The following CORO2B variants were observed in gnomAD, a reference collection of about 807,000 sequenced individuals.
CORO2B encodes the protein coronin-2B.
Under a neutral mutation model 58.8 loss-of-function variants are expected in CORO2B, and 26 were observed. The ratio of observed to expected loss-of-function variants is 0.44; its 90% CI spans 0.32 to 0.61. The LOEUF (loss-of-function observed/expected upper bound fraction) is 0.61. Among genes scored for constraint, CORO2B ranks in the 20% least tolerant of loss-of-function variants. CORO2B has a pLI of 0.04. For synonymous variants in CORO2B, 242 were observed against 253.8 expected (o/e 0.95, Z 0.44); for missense variants, 460 against 645.1 (o/e 0.71, Z 3.11).
chr15:68,721,107 C>G (rs1362768806), intron 11 of CORO2B, among the ~76,000 whole-genome samples: 1 of 151,946 alleles, frequency 6.6e-6, no homozygotes, highest in African/African-American at 2.4e-5. Context: ...GTCTTGAACT[C>G]CTGACCTTAG....
intron 2 of CORO2B, among the ~76,000 whole-genome samples, chr15:68,665,352 TGTACCA>T (rs1836799836): frequency 6.6e-6 from 1 of 152,160 alleles, no homozygotes; most frequent in Non-Finnish European, 1.5e-5. Context: ...TTGTTATTCA[TGTACCA>T]GTACCACAAT....
At chr15:68,628,710 AG>A (rs1900748086) in intron 1 of CORO2B, among the ~76,000 whole-genome samples, 1 of 152,224 alleles carries the variant, frequency 6.6e-6, no homozygotes, top group Non-Finnish European at 1.5e-5. Context: ...GGGCCCCAAA[AG>A]GTAGATCCAC....
chr15:68,694,581 G>A (rs1273313500), intron 2 of CORO2B, among the ~76,000 whole-genome samples: 1 of 152,326 alleles, frequency 6.6e-6, no homozygotes, highest in Non-Finnish European at 1.5e-5. Flanking sequence ...AATGGCTCGT[G>A]TAAGAGTATA....
At chr15:68,568,041 A>G in the CORO2B span, among the ~76,000 whole-genome samples, 1 of 152,154 alleles carries the variant, frequency 6.6e-6, no homozygotes, top group Non-Finnish European at 1.5e-5. Context: ...AAAGAAAAGA[A>G]ATATTGGCTA....
chr15:68,673,624 GGTCAGGA>G, intron 2 of CORO2B, among the ~76,000 whole-genome samples: 1 of 152,218 alleles, frequency 6.6e-6, no homozygotes, highest in South Asian at 2.1e-4. Context: ...AATCACTTAA[GGTCAGGA>G]GTTCGAGACC....
intron 2 of CORO2B, among the ~76,000 whole-genome samples, chr15:68,680,519 A>C (rs935872062): frequency 6.6e-6 from 1 of 152,160 alleles, no homozygotes; most frequent in African/African-American, 2.4e-5. Flanking sequence ...TGCAGTGTAC[A>C]GTCCATGCAA....
intron 2 of CORO2B, among the ~76,000 whole-genome samples, chr15:68,684,401 A>G (rs1050456522): frequency 6.6e-6 from 1 of 152,230 alleles, no homozygotes; most frequent in African/African-American, 2.4e-5. Flanking sequence ...TGAGACAAGT[A>G]AGTCTTGATT....
chr15:68,614,457 G>A (rs532586411), intron 1 of CORO2B, among the ~76,000 whole-genome samples: 9 of 152,202 alleles, frequency 5.9e-5, no homozygotes, highest in African/African-American at 1.4e-4. Context: ...AGGAGCCTCC[G>A]GGCCAGCCAA....
chr15:68,695,938 G>A lies in CORO2B; in HGVS notation c.333+682G>A, dbSNP rs1441016329. Among the ~76,000 whole-genome samples the A allele has an allele frequency of 2.0e-5, 3 of 152,004 alleles. No homozygotes were observed. The East Asian group carries it at 5.8e-4, about 29-fold the overall frequency. On this transcript the variant is annotated intron_variant, in intron 3 of 11. Transcript: ENST00000261861. ...GAGACAATTTAGAGAGGGGGATAAA[G>A]AATCCAGGGTAAGTGGCTTGGGCAC...
At chr15:68,570,911 T>C in the CORO2B span, among the ~76,000 whole-genome samples, 1 of 148,282 alleles carries the variant, frequency 6.7e-6, no homozygotes, top group Non-Finnish European at 1.5e-5. Flanking sequence ...AGTGCTGGGA[T>C]TACAGGCATG....
intron 11 of CORO2B, among the ~76,000 whole-genome samples, chr15:68,721,568 T>C (rs1409341539): frequency 6.6e-6 from 1 of 151,906 alleles, no homozygotes; most frequent in African/African-American, 2.4e-5. Flanking sequence ...TAGCCAGGCG[T>C]GGTGGTGCGC....
chr15:68,531,546 AG>A, the CORO2B span, among the ~76,000 whole-genome samples: 1 of 68,576 alleles, frequency 1.5e-5, no homozygotes, highest in Non-Finnish European at 3.6e-5. Flanking sequence ...GAAGGAAGGA[AG>A]GAAGGAAGGA....
chr15:68,554,080 A>G, the CORO2B span, among the ~76,000 whole-genome samples: 1 of 152,092 alleles, frequency 6.6e-6, no homozygotes, highest in Non-Finnish European at 1.5e-5. Context: ...CAGGTTGGAG[A>G]GGCGGTGACA....
chr15:68,721,890 G>A (rs551740741), intron 11 of CORO2B, among the ~76,000 whole-genome samples: 10 of 152,102 alleles, frequency 6.6e-5, no homozygotes, highest in East Asian at 1.9e-4. Flanking sequence ...TGGAACTAGC[G>A]GCGTGTACCA....
chr15:68,690,126 T>C (rs1277302639), intron 2 of CORO2B, among the ~76,000 whole-genome samples: 1 of 152,246 alleles, frequency 6.6e-6, no homozygotes, highest in Non-Finnish European at 1.5e-5. Flanking sequence ...GGAAATATTC[T>C]ATAATAGTGT....
intron 1 of CORO2B, among the ~76,000 whole-genome samples, chr15:68,626,919 G>A (rs1309352179): frequency 6.6e-6 from 1 of 152,168 alleles, no homozygotes; most frequent in Non-Finnish European, 1.5e-5. Context: ...GAGGCCAGGT[G>A]TCATCACTGA....
chr15:68,704,990 C>G (rs574987955), intron 3 of CORO2B, among the ~76,000 whole-genome samples: 5 of 152,132 alleles, frequency 3.3e-5, no homozygotes, highest in Admixed American at 2.0e-4. Flanking sequence ...ACAAATCCCT[C>G]GAATACTAAG....
intron 1 of CORO2B, among the ~76,000 whole-genome samples, chr15:68,604,307 A>G (rs988731335): frequency 6.6e-6 from 1 of 152,094 alleles, no homozygotes; most frequent in African/African-American, 2.4e-5. Context: ...AATTGGTTCC[A>G]TTCTTCATGG....
chr15:68,678,147 C>T (rs1902649309), intron 2 of CORO2B, among the ~76,000 whole-genome samples: 1 of 152,214 alleles, frequency 6.6e-6, no homozygotes, highest in African/African-American at 2.4e-5. Flanking sequence ...GTGCCACTGG[C>T]TGCTGGCTGT....
Sources: allele counts gnomAD v4.1 joint callset (sites outside exome capture counted in the v4.1 genomes callset), GRCh38; gene constraint gnomAD v4.1.1; transcripts MANE v1.5; gene names NCBI Gene and HGNC (gene_info 2026-07-23, HGNC 2026-07-21).